The following CPN1 variants were observed in gnomAD, a reference collection of about 807,000 sequenced individuals.
CPN1 encodes carboxypeptidase N catalytic chain.
In CPN1, 37 loss-of-function variants were observed where a neutral mutation model predicts 46.4. The observed-to-expected ratio is 0.80, with a 90% CI of 0.61 to 1.05. CPN1 has a LOEUF of 1.05. CPN1 is among the 50% of genes least tolerant of loss of function. CPN1 has a pLI of 0.00. For synonymous variants in CPN1, 224 were observed against 235.4 expected, an observed-to-expected ratio of 0.95 and a Z score of 0.44; for missense variants, 563 against 602.6, an observed-to-expected ratio of 0.93 and a Z score of 0.69.
intron 4 of CPN1, 108 bp from the exon 5 acceptor site, chr10:100,063,833 A>C (rs2041436667): frequency 2.5e-6 from 2 of 810,112 alleles, no homozygotes; most frequent in East Asian, 2.5e-5. Flanking sequence ...GTATATAAAC[A>C]GTGGATTATT....
At chr10:100,043,498 C>A (rs1272682268) in intron 8 of CPN1, among the ~76,000 whole-genome samples, 1 of 152,112 alleles carries the variant, frequency 6.6e-6, no homozygotes, top group Non-Finnish European at 1.5e-5. Flanking sequence ...ATTGACGGTG[C>A]TGTAACAATC....
At chr10:100,073,773 G>A (rs1461483472) in intron 2 of CPN1, among the ~76,000 whole-genome samples, 2 of 151,948 alleles carry the variant, frequency 1.3e-5, no homozygotes, top group African/African-American at 4.8e-5. Flanking sequence ...GTGTTACCAC[G>A]CCTGGCTAAT....
rs71013408 is a variant in CPN1, at chr10:100,059,592, C to CAAAAAA, written c.872-2446_872-2441dup. Among the ~76,000 whole-genome samples, 5 of 115,082 alleles carry CAAAAAA rather than the reference C, an allele frequency of 4.3e-5. 1 individual carries two copies. The highest frequency in any genetic ancestry group is 6.5e-5 in the African/African-American group (2 of 30,788). The allele number at this position is 115,082 out of a possible 152,430, so 75.5% of individuals were successfully genotyped here. On this transcript the variant is annotated intron_variant, in intron 5 of 8. Transcript: ENST00000370418. ...TTGAACTTATTAGGATGGCTACTAT[C>CAAAAAA]AAAAAAAAAAAAAAAAAGAGTTGGT...
In CPN1 at chr10:100,042,588, G is replaced by A; in HGVS notation, c.1231-15C>T. 6.2e-7 allele frequency: 1 copy of A among 1,613,810 alleles called. No homozygotes were observed. Among genetic ancestry groups the A allele is most frequent in the Non-Finnish European group, 8.5e-7 (1 of 1,179,962 alleles). On this transcript the variant is annotated splice_polypyrimidine_tract_variant and intron_variant, in intron 8 of 8. Transcript: ENST00000370418. ...TGGAAGTTAACCTGGAAGAAAAAAA[G>A]CAGGAGCTACGAGATCCGTTTGGAC...
At chr10:100,072,516 A>G (rs2041491950) in intron 2 of CPN1, among the ~76,000 whole-genome samples, 2 of 152,196 alleles carry the variant, frequency 1.3e-5, no homozygotes, top group African/African-American at 2.4e-5. Context: ...AAGTGGTTAC[A>G]CTATGGAAAC....
At chr10:100,065,511 G>C (rs888115462) in intron 3 of CPN1, 141 bp from the exon 4 acceptor site, 1 of 838,316 alleles carries the variant, frequency 1.2e-6, no homozygotes, top group Admixed American at 2.3e-5. Flanking sequence ...GATATGAAAA[G>C]TGGAGATGGG....
Position 100,042,301 on chromosome 10 carries a change from C to A in CPN1, c.*126G>T. The stretch of plus-strand genomic sequence containing the variant: ...GCTTACCCCTGGAACAGATGGAGAC[C>A]ATTCTGAATTGTTCTGAATATGTTT... On this transcript the variant is annotated 3_prime_UTR_variant, in exon 9 of 9. Transcript: ENST00000370418. 1.5e-6 allele frequency: 2 copies of A among 1,295,150 alleles called. No individual in the cohort carries two copies. Among genetic ancestry groups the A allele is most frequent in the Non-Finnish European group, 2.2e-6 (2 of 902,768 alleles). 80.2% of individuals were successfully genotyped at this position (1,295,150 alleles called of 1,614,324 possible).
At chr10:100,055,771 G>A (rs549086473) in intron 6 of CPN1, among the ~76,000 whole-genome samples, 20 of 152,256 alleles carry the variant, frequency 1.3e-4, no homozygotes, top group South Asian at 6.2e-4. Flanking sequence ...TGATCCGCCC[G>A]CCTCGGCCTC....
chr10:100,065,119 G>T, intron 4 of CPN1, 69 bp downstream of exon 4: 12 of 1,555,332 alleles, frequency 7.7e-6, no homozygotes, highest in Non-Finnish European at 1.0e-5. Flanking sequence ...AGGGTTCTGT[G>T]TTACTGACCT....
chr10:100,049,844 C>T (rs2041339270), intron 7 of CPN1, among the ~76,000 whole-genome samples: 1 of 152,122 alleles, frequency 6.6e-6, no homozygotes, highest in African/African-American at 2.4e-5. Context: ...AATTCTAGAC[C>T]CTGTAGTTTA....
Position 100,076,008 on chromosome 10 carries a change from C to T in CPN1, c.323G>A (p.Arg108Gln), listed in dbSNP as rs778531931. 1.2e-5 allele frequency: 19 copies of T among 1,614,126 alleles called. No homozygotes were observed. Among genetic ancestry groups the T allele is most frequent in the Middle Eastern group, 1.7e-4 (1 of 6,052 alleles). Residue 108 changes from arginine (R) to glutamine (Q), a missense_variant, in exon 2 of 9, where the codon CGG becomes CAG. Coordinates refer to ENST00000370418, the MANE Select transcript of CPN1 (RefSeq NM_001308.3). ...CTGGACGATGCGCTGGTTCCTGTTC[C>T]GGAACTCCTCGCACAGAAACTCCGA... is the stretch of plus-strand genomic sequence containing the variant. ...QLSEFLCEEF[R>Q]NRNQRIVQLI...
intron 3 of CPN1, among the ~76,000 whole-genome samples, chr10:100,068,151 T>C (rs1231766683): frequency 7.4e-6 from 1 of 135,186 alleles, no homozygotes; most frequent in Non-Finnish European, 1.6e-5. Context: ...CAAGACTCTG[T>C]CTCAAAAAAA....
chr10:100,061,175 C>T (rs2133437235), intron 5 of CPN1, among the ~76,000 whole-genome samples: 1 of 152,200 alleles, frequency 6.6e-6, no homozygotes, highest in South Asian at 2.1e-4. Context: ...GGGTGACTAC[C>T]ATCAGCAATA....
chr10:100,055,880 T>C (rs1411205471), intron 6 of CPN1, among the ~76,000 whole-genome samples: 1 of 152,232 alleles, frequency 6.6e-6, no homozygotes, highest in Non-Finnish European at 1.5e-5. Context: ...TATACCACAT[T>C]TGTTTATACA....
At chr10:100,057,618 G>T (rs1564772727) in intron 5 of CPN1, among the ~76,000 whole-genome samples, 1 of 152,142 alleles carries the variant, frequency 6.6e-6, no homozygotes, top group Non-Finnish European at 1.5e-5. Flanking sequence ...ACTGTGGCGG[G>T]TAGGCCTAGT....
intron 2 of CPN1, among the ~76,000 whole-genome samples, chr10:100,075,265 G>T (rs1399967269): frequency 6.6e-6 from 1 of 152,092 alleles, no homozygotes; most frequent in Non-Finnish European, 1.5e-5. Flanking sequence ...ACTCCAGCCT[G>T]GGCAACAAAG....
chr10:100,079,017 C>A (rs758902540), intron 1 of CPN1, among the ~76,000 whole-genome samples: 1 of 152,230 alleles, frequency 6.6e-6, no homozygotes. Context: ...GTCATCTTTT[C>A]CTCCTCAATA....
rs182414477 is a variant in CPN1, at chr10:100,055,109, G to A, written c.1012-663C>T. Among the ~76,000 whole-genome samples the A allele has an allele frequency of 3.6e-3, 545 of 151,526 alleles. 1 individual carries two copies. The highest frequency in any genetic ancestry group is 6.3e-3 in the Non-Finnish European group (426 of 67,892). On this transcript the variant is annotated intron_variant, in intron 6 of 8. Coordinates refer to ENST00000370418, the MANE Select transcript of CPN1 (RefSeq NM_001308.3). ...AAAAATTAGCCAGGTGTGGTGGTGGGCGCCTGTAATCCTAGCTACTCAGGA... is the reference window on the plus strand; with the variant it reads ...AAAAATTAGCCAGGTGTGGTGGTGGACGCCTGTAATCCTAGCTACTCAGGA...
chr10:100,053,088 T>C (rs573986416), intron 7 of CPN1, among the ~76,000 whole-genome samples: 22 of 152,196 alleles, frequency 1.4e-4, no homozygotes, highest in Non-Finnish European at 2.6e-4. Context: ...TGAGTTTGGA[T>C]TCCTAAACAG....
Sources: gnomAD v4.1 joint callset for allele counts (sites outside exome capture counted in the v4.1 genomes callset) on GRCh38, gnomAD v4.1.1 for gene constraint, MANE v1.5 for transcripts, NCBI Gene and HGNC (gene_info 2026-07-23, HGNC 2026-07-21) for gene names.